PTPRT: variants seen among roughly 807,000 people sequenced by gnomAD.
PTPRT encodes protein tyrosine phosphatase receptor type T.
PTPRT carries 56 observed loss-of-function variants against 176.8 expected under a neutral mutation model. That is an observed-to-expected ratio of 0.32 (90% confidence interval 0.26 to 0.40). The LOEUF is 0.40. Among genes scored for constraint, PTPRT ranks in the 10% least tolerant of loss-of-function variants. The pLI is 1.00. For missense variants in PTPRT, 1,540 were observed against 1,908.2 expected (o/e 0.81, Z 3.60); for synonymous variants, 783 against 739.0 (o/e 1.06, Z -0.96).
chr20:43,123,410 T>C (rs1600728274), intron 1 of PTPRT, among the ~76,000 whole-genome samples: 1 of 152,168 alleles, frequency 6.6e-6, no homozygotes, highest in Non-Finnish European at 1.5e-5. Flanking sequence ...TCTTATTGAG[T>C]GACAAGCACC....
At chr20:43,162,893 CA>C (rs764767172) in intron 1 of PTPRT, among the ~76,000 whole-genome samples, 14 of 152,238 alleles carry the variant, frequency 9.2e-5, no homozygotes, top group Non-Finnish European at 2.1e-4. Flanking sequence ...CTCCTTGCAG[CA>C]GCGTCTTACA....
chr20:42,914,000 C>T (rs1978564957), intron 1 of PTPRT, among the ~76,000 whole-genome samples: 1 of 152,138 alleles, frequency 6.6e-6, no homozygotes, highest in Admixed American at 6.5e-5. Context: ...TAAGATAAAT[C>T]CTATTGTAGC....
At position 42,660,707 on chromosome 20, in the gene PTPRT, C is replaced by T. The variant is rs146022187; in HGVS notation, c.1153+17159G>A. Among the ~76,000 whole-genome samples, 701 of 152,282 alleles carry T rather than the reference C, an allele frequency of 4.6e-3. 5 individuals are homozygous for T. Among genetic ancestry groups the T allele is most frequent in the African/African-American group, 0.016 (672 of 41,554 alleles). On this transcript the variant is annotated intron_variant, in intron 7 of 30. Coordinates refer to ENST00000373187, the MANE Select transcript of PTPRT (RefSeq NM_007050.6). ...CAGGTGCCATCCATGATTCCAGGCA[C>T]TGGTGACCAGAACAGACAAGGTAAC...
chr20:42,653,898 C>T (rs922475791), intron 7 of PTPRT, among the ~76,000 whole-genome samples: 35 of 152,104 alleles, frequency 2.3e-4, no homozygotes, highest in African/African-American at 8.0e-4. Context: ...TCATAGATAA[C>T]GAATTCTTGT....
intron 13 of PTPRT, among the ~76,000 whole-genome samples, chr20:42,259,321 C>T (rs182555534): frequency 6.6e-6 from 1 of 152,118 alleles, no homozygotes; most frequent in East Asian, 1.9e-4. Context: ...AAGAAAGTGT[C>T]TTTTTTTTAT....
intron 17 of PTPRT, among the ~76,000 whole-genome samples, chr20:42,144,900 A>C (rs907564486): frequency 2.6e-5 from 4 of 152,170 alleles, no homozygotes; most frequent in African/African-American, 9.6e-5. Context: ...GTTGATCAGA[A>C]ATTCAGCCCC....
chr20:42,790,493 A>G (rs2077358466), intron 3 of PTPRT, among the ~76,000 whole-genome samples: 1 of 152,102 alleles, frequency 6.6e-6, no homozygotes, highest in South Asian at 2.1e-4. Context: ...TATGAGCAGC[A>G]CTGCTTTAAA....
intron 3 of PTPRT, 129 bp downstream of exon 3, chr20:42,791,066 A>T (rs1269398038): frequency 6.0e-6 from 7 of 1,176,140 alleles, no homozygotes; most frequent in Non-Finnish European, 8.2e-6. Context: ...GAGCTTGGCT[A>T]GGAGGAGAAG....
At chr20:42,490,959 G>A (rs1050836010) in intron 7 of PTPRT, among the ~76,000 whole-genome samples, 21 of 152,054 alleles carry the variant, frequency 1.4e-4, no homozygotes, top group African/African-American at 4.4e-4. Flanking sequence ...GTTGTTTCAA[G>A]TTTGGGGTAA....
intron 7 of PTPRT, among the ~76,000 whole-genome samples, chr20:42,512,353 A>C (rs2071974238): frequency 6.6e-6 from 1 of 152,138 alleles, no homozygotes. Context: ...CTATGGTTTT[A>C]TCTTTTTGAG....
intron 1 of PTPRT, among the ~76,000 whole-genome samples, chr20:43,026,748 C>T (rs1985929667): frequency 6.6e-6 from 1 of 152,156 alleles, no homozygotes; most frequent in Non-Finnish European, 1.5e-5. Flanking sequence ...ACTTCCCTTC[C>T]CAGCTTCTGG....
intron 6 of PTPRT, among the ~76,000 whole-genome samples, chr20:42,725,712 G>A (rs2076369008): frequency 6.6e-6 from 1 of 152,212 alleles, no homozygotes; most frequent in East Asian, 1.9e-4. Flanking sequence ...CTTTTACACT[G>A]TTGGTGGGAA....
intron 1 of PTPRT, among the ~76,000 whole-genome samples, chr20:43,008,745 C>T (rs1256855489): frequency 6.6e-6 from 1 of 151,996 alleles, no homozygotes; most frequent in African/African-American, 2.4e-5. Context: ...GTTTATAAGC[C>T]AATCTATGGT....
At chr20:42,272,517 C>T (rs985681930) in intron 13 of PTPRT, among the ~76,000 whole-genome samples, 1 of 152,136 alleles carries the variant, frequency 6.6e-6, no homozygotes, top group Non-Finnish European at 1.5e-5. Context: ...CATGTTCCCA[C>T]TTGGCCCCCT....
intron 13 of PTPRT, among the ~76,000 whole-genome samples, chr20:42,255,415 G>A (rs950491511): frequency 2.6e-5 from 4 of 152,166 alleles, no homozygotes; most frequent in African/African-American, 9.7e-5. Context: ...TGTGACCTTA[G>A]CACTGGATCC....
At chr20:42,708,544 C>T (rs1014781069) in intron 6 of PTPRT, among the ~76,000 whole-genome samples, 1 of 152,122 alleles carries the variant, frequency 6.6e-6, no homozygotes, top group Non-Finnish European at 1.5e-5. Flanking sequence ...ACATAGACAC[C>T]GTATACTTGG....
intron 15 of PTPRT, among the ~76,000 whole-genome samples, chr20:42,225,355 T>A (rs2055981871): frequency 6.6e-6 from 1 of 152,178 alleles, no homozygotes; most frequent in African/African-American, 2.4e-5. Flanking sequence ...GCAAGTACAC[T>A]GTATTAATTT....
chr20:42,075,531 T>C lies in PTPRT; in HGVS notation c.*5348A>G. ...AGCCCAGGAGTGGCAAGCTGCAGCCTAAGGAAGGGTGGCTTTCTTCATTTT... is the reference window on the plus strand; with the variant it reads ...AGCCCAGGAGTGGCAAGCTGCAGCCCAAGGAAGGGTGGCTTTCTTCATTTT... On this transcript the variant is annotated 3_prime_UTR_variant, in exon 31 of 31. Transcript: ENST00000373187. The C allele has an allele frequency of 4.7e-6, 1 of 211,264 alleles. No individual in the cohort carries two copies. The highest frequency in any genetic ancestry group is 2.3e-5 in the African/African-American group (1 of 44,238). 13.1% of individuals were successfully genotyped at this position (211,264 alleles called of 1,614,324 possible). A position where few individuals can be genotyped will look rare whatever the true frequency, so the allele number is the denominator to read the frequency against.
intron 27 of PTPRT, among the ~76,000 whole-genome samples, chr20:42,091,856 T>C (rs1984655247): frequency 6.6e-6 from 1 of 152,068 alleles, no homozygotes; most frequent in Admixed American, 6.5e-5. Flanking sequence ...ATCCTTCCAG[T>C]AGTCCCATGA....
Sources: allele counts gnomAD v4.1 joint callset (sites outside exome capture counted in the v4.1 genomes callset), GRCh38; gene constraint gnomAD v4.1.1; transcripts MANE v1.5; gene names NCBI Gene and HGNC (gene_info 2026-07-23, HGNC 2026-07-21).